STX8: variants seen among roughly 807,000 people sequenced by gnomAD.
STX8 encodes syntaxin 8.
In STX8, 23 loss-of-function variants were observed where a neutral mutation model predicts 37.5. That is an observed-to-expected ratio of 0.61 (90% CI 0.44 to 0.87). The LOEUF (loss-of-function observed/expected upper bound fraction) is 0.87. Among genes scored for constraint, STX8 ranks in the 40% least tolerant of loss-of-function variants. The pLI, the probability that STX8 is intolerant of heterozygous loss-of-function variation, is 0.00. For missense variants in STX8, 313 were observed against 284.7 expected (o/e 1.10, Z -0.71); for synonymous variants, 115 against 99.1 (o/e 1.16, Z -0.95).
At chr17:9,288,675 A>AAATAAAAT (rs1555589288) in intron 7 of STX8, among the ~76,000 whole-genome samples, 25 of 151,042 alleles carry the variant, frequency 1.7e-4, no homozygotes, top group African/African-American at 6.1e-4. Context: ...ATAAATAAAT[A>AAATAAAAT]AAATAAATAA....
chr17:9,330,737 G>A (rs1356572374), intron 7 of STX8, among the ~76,000 whole-genome samples: 3 of 152,208 alleles, frequency 2.0e-5, no homozygotes, highest in Non-Finnish European at 4.4e-5. Flanking sequence ...ACACAAAGGC[G>A]GTATGGCTTG....
At chr17:9,503,105 C>CCAA (rs1904682916) in intron 5 of STX8, among the ~76,000 whole-genome samples, 1 of 58,600 alleles carries the variant, frequency 1.7e-5, no homozygotes, top group Non-Finnish European at 2.9e-5. Flanking sequence ...GACTCTGTCT[C>CCAA]AAAAAAAAAA....
chr17:9,275,042 C>T (rs1013589874), intron 7 of STX8, among the ~76,000 whole-genome samples: 6 of 152,044 alleles, frequency 3.9e-5, no homozygotes, highest in Non-Finnish European at 7.4e-5. Context: ...TGAGCCACCG[C>T]GCCTGGCCCA....
At chr17:9,550,083 G>A (rs1316846753) in intron 3 of STX8, among the ~76,000 whole-genome samples, 2 of 152,178 alleles carry the variant, frequency 1.3e-5, no homozygotes, top group Non-Finnish European at 2.9e-5. Context: ...AATTAGCTGG[G>A]TGTGGTGGCA....
chr17:9,332,905 C>CAT (rs1910009159), intron 7 of STX8, among the ~76,000 whole-genome samples: 2 of 152,166 alleles, frequency 1.3e-5, no homozygotes, highest in Admixed American at 1.3e-4. Context: ...ATATTTTTGG[C>CAT]TACCTTTGGG....
chr17:9,459,664 C>T (rs1905293440), intron 6 of STX8, among the ~76,000 whole-genome samples: 1 of 152,126 alleles, frequency 6.6e-6, no homozygotes, highest in Admixed American at 6.5e-5. Context: ...TACAGGCACC[C>T]ACCACGACGT....
At chr17:9,571,871 T>C (rs1907703163) in intron 1 of STX8, among the ~76,000 whole-genome samples, 2 of 150,850 alleles carry the variant, frequency 1.3e-5, no homozygotes, top group South Asian at 4.2e-4. Context: ...GCCAAGATCA[T>C]GCCACTGCAC....
intron 6 of STX8, among the ~76,000 whole-genome samples, chr17:9,404,093 G>A (rs1912722666): frequency 2.0e-5 from 3 of 152,102 alleles, no homozygotes; most frequent in Admixed American, 6.6e-5. Context: ...GTAAGCTAGA[G>A]AAAAGGAAAT....
chr17:9,439,652 T>C (rs1904569720), intron 6 of STX8, among the ~76,000 whole-genome samples: 1 of 151,794 alleles, frequency 6.6e-6, no homozygotes. Context: ...CGTGCCACCA[T>C]GCCCAGCTAA....
chr17:9,500,101 T>C (rs1904557118), intron 5 of STX8, among the ~76,000 whole-genome samples: 1 of 152,128 alleles, frequency 6.6e-6, no homozygotes, highest in Non-Finnish European at 1.5e-5. Context: ...TTCCTCCAAA[T>C]ATGGTAATGG....
intron 4 of STX8, among the ~76,000 whole-genome samples, chr17:9,531,729 C>G (rs1184876177): frequency 6.6e-6 from 1 of 152,126 alleles, no homozygotes; most frequent in East Asian, 1.9e-4. Context: ...TTTATCTCTT[C>G]AGCTTTACTT....
At chr17:9,382,374 ATTAATGTAAACAGACTAAACTT>A (rs1451857408) in intron 6 of STX8, among the ~76,000 whole-genome samples, 2 of 152,244 alleles carry the variant, frequency 1.3e-5, no homozygotes, top group African/African-American at 4.8e-5. Context: ...CAATAGTCAC[ATTAATGTAAACAGACTAAACTT>A]TTCAATTAAA....
chr17:9,468,461 A>T (rs1236485236), intron 6 of STX8, among the ~76,000 whole-genome samples: 2 of 152,178 alleles, frequency 1.3e-5, no homozygotes, highest in Non-Finnish European at 2.9e-5. Context: ...AAATGTTAGG[A>T]ATGGGGTGAT....
chr17:9,296,439 A>G (rs963918879), intron 7 of STX8, among the ~76,000 whole-genome samples: 9 of 151,808 alleles, frequency 5.9e-5, no homozygotes, highest in African/African-American at 1.9e-4. Flanking sequence ...TGGAGGTTGC[A>G]GTGAACCAAG....
intron 5 of STX8, among the ~76,000 whole-genome samples, chr17:9,497,545 G>C (rs935264494): frequency 2.0e-5 from 3 of 152,176 alleles, no homozygotes; most frequent in Non-Finnish European, 4.4e-5. Flanking sequence ...GCTATGGGTT[G>C]ACAATCACTG....
At chr17:9,258,135 G>T (rs1906872015) in intron 7 of STX8, among the ~76,000 whole-genome samples, 1 of 150,368 alleles carries the variant, frequency 6.7e-6, no homozygotes, top group Admixed American at 6.6e-5. Context: ...CCTAAAGTTT[G>T]TTTTATTTTT....
At chr17:9,545,397 C>T (rs1906463530) in intron 3 of STX8, 115 bp from the exon 4 acceptor site, 2 of 731,098 alleles carry the variant, frequency 2.7e-6, no homozygotes, top group Non-Finnish European at 4.6e-6. Flanking sequence ...ATCACTACTA[C>T]CCAGAAGGGA....
intron 6 of STX8, among the ~76,000 whole-genome samples, chr17:9,419,598 G>A (rs573362033): frequency 6.6e-6 from 1 of 152,248 alleles, no homozygotes; most frequent in Admixed American, 6.5e-5. Context: ...CTCTATCTGG[G>A]AATTCCAACA....
At chr17:9,315,281 A>G (rs1226833523) in intron 7 of STX8, among the ~76,000 whole-genome samples, 1 of 148,394 alleles carries the variant, frequency 6.7e-6, no homozygotes, top group Non-Finnish European at 1.5e-5. Context: ...AGAGTTAAAA[A>G]AACAAAAACA....
Sources: allele counts gnomAD v4.1 joint callset (sites outside exome capture counted in the v4.1 genomes callset), GRCh38; gene constraint gnomAD v4.1.1; transcripts MANE v1.5; gene names NCBI Gene and HGNC (gene_info 2026-07-23, HGNC 2026-07-21).